MYO1B: variants seen among roughly 807,000 people sequenced by gnomAD.
MYO1B encodes the protein myosin IB.
A neutral mutation model predicts 159.7 loss-of-function variants in MYO1B; 72 were observed. The observed-to-expected ratio is 0.45, with a 90% CI of 0.37 to 0.55. The LOEUF is 0.55. Ranked by LOEUF, MYO1B falls within the 20% of genes least tolerant of loss-of-function variation. MYO1B has a pLI of 0.00. For synonymous variants in MYO1B, 468 were observed against 473.8 expected (o/e 0.99, Z 0.16); for missense variants, 1,062 against 1,364.8 (o/e 0.78, Z 3.50).
At chr2:191,293,839 G>T (rs572863776) in intron 2 of MYO1B, among the ~76,000 whole-genome samples, 31 of 152,128 alleles carry the variant, frequency 2.0e-4, no homozygotes, top group Admixed American at 3.9e-4. Context: ...ATTTTACCCA[G>T]CCTCTATTCA....
intron 17 of MYO1B, among the ~76,000 whole-genome samples, chr2:191,389,850 G>A (rs1194677172): frequency 6.6e-6 from 1 of 152,152 alleles, no homozygotes; most frequent in African/African-American, 2.4e-5. Flanking sequence ...CAGACCAAGT[G>A]GTAAAACATT....
At chr2:191,387,517 C>T in intron 17 of MYO1B, 67 bp downstream of exon 17, 1 of 1,409,254 alleles carries the variant, frequency 7.1e-7, no homozygotes, top group Non-Finnish European at 1.0e-6. Context: ...ATCATTTTTC[C>T]CTTTGCTTCA....
intron 1 of MYO1B, among the ~76,000 whole-genome samples, chr2:191,249,761 G>A (rs1321180049): frequency 6.6e-6 from 1 of 152,172 alleles, no homozygotes; most frequent in African/African-American, 2.4e-5. Flanking sequence ...TTTCAAGCTA[G>A]GACACCATTT....
At chr2:191,350,304 TG>T in intron 7 of MYO1B, 79 bp downstream of exon 7, 1 of 1,076,570 alleles carries the variant, frequency 9.3e-7, no homozygotes, top group Non-Finnish European at 1.4e-6. Context: ...TTTAGATACT[TG>T]TGTCTTTGAG....
intron 1 of MYO1B, among the ~76,000 whole-genome samples, chr2:191,268,488 G>T (rs182257570): frequency 6.6e-6 from 1 of 152,180 alleles, no homozygotes; most frequent in Non-Finnish European, 1.5e-5. Flanking sequence ...CATTCAGTCC[G>T]TAAGATTTGG....
intron 24 of MYO1B, among the ~76,000 whole-genome samples, chr2:191,407,340 G>A (rs1559242520): frequency 6.6e-6 from 1 of 152,086 alleles, no homozygotes; most frequent in South Asian, 2.1e-4. Flanking sequence ...CTAATATTTT[G>A]CTAAATTCTA....
At chr2:191,345,585 G>T (rs554259440) in intron 5 of MYO1B, among the ~76,000 whole-genome samples, 1 of 152,106 alleles carries the variant, frequency 6.6e-6, no homozygotes, top group South Asian at 2.1e-4. Flanking sequence ...TGGAACATTT[G>T]TATTTTGCAT....
intron 13 of MYO1B, among the ~76,000 whole-genome samples, chr2:191,371,246 G>C (rs1694345620): frequency 6.6e-6 from 1 of 152,112 alleles, no homozygotes; most frequent in Non-Finnish European, 1.5e-5. Flanking sequence ...TGCCCAGAAT[G>C]TTCCCAAAGA....
At chr2:191,414,880 A>T (rs1361768526) in intron 29 of MYO1B, among the ~76,000 whole-genome samples, 1 of 152,222 alleles carries the variant, frequency 6.6e-6, no homozygotes, top group Non-Finnish European at 1.5e-5. Context: ...ACTTTTTGAG[A>T]CTAATACATA....
At chr2:191,372,964 A>C (rs1171674659) in intron 13 of MYO1B, among the ~76,000 whole-genome samples, 1 of 128,648 alleles carries the variant, frequency 7.8e-6, no homozygotes, top group Non-Finnish European at 1.5e-5. Flanking sequence ...TCGGCTCACT[A>C]CAACCTCTGC....
chr2:191,309,894 C>T (rs1316811035), intron 3 of MYO1B, among the ~76,000 whole-genome samples: 2 of 152,182 alleles, frequency 1.3e-5, no homozygotes, highest in Non-Finnish European at 2.9e-5. Context: ...TGAGCACTTG[C>T]GCTTTATTTT....
At chr2:191,344,029 G>A (rs1692398115) in intron 5 of MYO1B, among the ~76,000 whole-genome samples, 1 of 152,160 alleles carries the variant, frequency 6.6e-6, no homozygotes, top group African/African-American at 2.4e-5. Flanking sequence ...GATGGTTTAT[G>A]GCTTGCAAAT....
intron 3 of MYO1B, among the ~76,000 whole-genome samples, chr2:191,305,789 G>T (rs2125844228): frequency 6.6e-6 from 1 of 152,270 alleles, no homozygotes; most frequent in African/African-American, 2.4e-5. Flanking sequence ...GCAGTAAGTG[G>T]TGTGGTCCCC....
At chr2:191,379,557 A>G (rs936730383) in intron 13 of MYO1B, among the ~76,000 whole-genome samples, 13 of 152,310 alleles carry the variant, frequency 8.5e-5, no homozygotes, top group African/African-American at 2.6e-4. Context: ...TAGCTACACA[A>G]TGTGTCTGAG....
chr2:191,300,107 C>A (rs1300257873), intron 3 of MYO1B, among the ~76,000 whole-genome samples: 3 of 152,140 alleles, frequency 2.0e-5, no homozygotes, highest in Non-Finnish European at 4.4e-5. Context: ...TATTTTGAAA[C>A]AGGGTCAATG....
In MYO1B at chr2:191,257,556, TC is replaced by T. The variant is rs973662027; in HGVS notation, c.-10+11932del. On this transcript the variant is annotated intron_variant, in intron 1 of 30. Transcript: ENST00000392318. ...AATCACTGAAAAGTTCAGCGAACTT[TC>T]CAGCTTTTCTTTCATGCTGCTCTTT... Among the ~76,000 whole-genome samples the T allele has an allele frequency of 1.2e-3, 189 of 152,346 alleles. 1 individual carries two copies. Among genetic ancestry groups the T allele is most frequent in the African/African-American group, 4.4e-3 (185 of 41,590 alleles).
rs1695852287 is a variant in MYO1B, at chr2:191,393,068, A to G, written c.2077-5A>G. ...TTGATAAGTCCATCTATCATTTCTTATTAGTTATTCAAATTAGAAGACCTG... is the reference window on the plus strand; with the variant it reads ...TTGATAAGTCCATCTATCATTTCTTGTTAGTTATTCAAATTAGAAGACCTG... On this transcript the variant is annotated splice_polypyrimidine_tract_variant and splice_region_variant and intron_variant, in intron 19 of 30. Coordinates refer to ENST00000392318, the MANE Select transcript of MYO1B (RefSeq NM_001130158.3). 6.2e-7 allele frequency: 1 copy of G among 1,612,268 alleles called. No homozygotes were observed. The highest frequency in any genetic ancestry group is 1.3e-5 in the African/African-American group (1 of 74,732).
chr2:191,340,456 G>A (rs1273350044), intron 4 of MYO1B, among the ~76,000 whole-genome samples: 1 of 152,084 alleles, frequency 6.6e-6, no homozygotes, highest in Non-Finnish European at 1.5e-5. Context: ...GAGGGGACAC[G>A]GACTGATAGG....
At chr2:191,383,535 CACACACACACACAT>C (rs1396303156) in intron 15 of MYO1B, among the ~76,000 whole-genome samples, 193 bp downstream of exon 15, 5 of 127,122 alleles carry the variant, frequency 3.9e-5, no homozygotes, top group South Asian at 2.9e-4. Context: ...CACACACACA[CACACACACACACAT>C]ATATATATAT....
Sources: gnomAD v4.1 joint callset for allele counts (sites outside exome capture counted in the v4.1 genomes callset) on GRCh38, gnomAD v4.1.1 for gene constraint, MANE v1.5 for transcripts, NCBI Gene and HGNC (gene_info 2026-07-23, HGNC 2026-07-21) for gene names.